Variants in TRIM60 observed in about 807,000 individuals in gnomAD.
TRIM60 encodes tripartite motif-containing protein 60.
For missense variants in TRIM60, 524 were observed against 540.8 expected, an observed-to-expected ratio of 0.97 and a Z score of 0.31; for synonymous variants, 189 against 195.2, an observed-to-expected ratio of 0.97 and a Z score of 0.27.
At chr4:165,035,276 A>G (rs1038573009) in intron 1 of TRIM60, among the ~76,000 whole-genome samples, 30 of 152,148 alleles carry the variant, frequency 2.0e-4, no homozygotes, top group African/African-American at 7.2e-4. Context: ...TGTTGCCCAG[A>G]CTGGTCTTGA....
At chr4:165,035,362 C>A (rs183135514) in intron 1 of TRIM60, among the ~76,000 whole-genome samples, 157 of 152,252 alleles carry the variant, frequency 1.0e-3, no homozygotes, top group African/African-American at 3.5e-3. Context: ...CCGTGCCTGG[C>A]CAACAATTAT....
intron 1 of TRIM60, among the ~76,000 whole-genome samples, chr4:165,032,888 A>G (rs1217186168): frequency 6.6e-6 from 1 of 152,148 alleles, no homozygotes; most frequent in Non-Finnish European, 1.5e-5. Context: ...ATGAACCAGC[A>G]CAAGAATCAG....
intron 1 of TRIM60, 62 bp from the exon 2 acceptor site, chr4:165,039,139 A>G (rs1318256697): frequency 1.3e-5 from 2 of 151,864 alleles, no homozygotes; most frequent in Non-Finnish European, 1.5e-5. Flanking sequence ...AATTTTATTT[A>G]TTTTATATAT....
chr4:165,033,080 C>T (rs1240097571), intron 1 of TRIM60, among the ~76,000 whole-genome samples: 5 of 151,632 alleles, frequency 3.3e-5, no homozygotes, highest in Non-Finnish European at 7.4e-5. Context: ...GTCCCAGCTA[C>T]TCGGGAGGCT....
intron 1 of TRIM60, among the ~76,000 whole-genome samples, chr4:165,034,571 A>G (rs1733577474): frequency 6.6e-6 from 1 of 152,164 alleles, no homozygotes; most frequent in Non-Finnish European, 1.5e-5. Context: ...TCCTTTTCAA[A>G]TTTACTCAGC....
At chr4:165,035,687 A>G (rs1431747017) in intron 1 of TRIM60, among the ~76,000 whole-genome samples, 2 of 151,864 alleles carry the variant, frequency 1.3e-5, no homozygotes, top group African/African-American at 4.8e-5. Context: ...TTGTATAAAC[A>G]CTGTAGGTGT....
At chr4:165,039,978 G>A (rs963275568) in intron 2 of TRIM60, 91 bp from the exon 3 acceptor site, 11 of 978,320 alleles carry the variant, frequency 1.1e-5, no homozygotes, top group Admixed American at 5.0e-5. Context: ...TACAAGGTCT[G>A]GGAGGGGTAT....
intron 1 of TRIM60, among the ~76,000 whole-genome samples, chr4:165,037,105 T>G (rs111457402): frequency 0.054 from 7,910 of 145,152 alleles, 581 homozygotes; most frequent in African/African-American, 0.17. Flanking sequence ...TGAGGCTGAG[T>G]CAGGAGAATC....
rs1250074564 is a variant in TRIM60 at position 165,040,880 on chromosome 4, T to C, written c.808T>C (p.Phe270Leu). 1 of 1,612,736 alleles carries C rather than the reference T, an allele frequency of 6.2e-7. No homozygotes were observed. The highest frequency in any genetic ancestry group is 1.3e-5 in the African/African-American group (1 of 74,866). ...CCTAAAATGCCCTGAACTCTTTTCA[T>C]TTAGATTAACAAAATATGGTTTCAG... The part of the protein sequence containing the change: ...QNLKCPELFS[F>L]RLTKYGFSLP... Residue 270 changes from phenylalanine (F) to leucine (L), a missense_variant, in exon 3 of 3, where the codon TTT becomes CTT. Phe to Leu is a conservative substitution (Grantham distance 22). Coordinates refer to ENST00000512596, the MANE Select transcript of TRIM60 (RefSeq NM_152620.3).
In TRIM60 at chr4:165,040,887, TA is replaced by T. The variant is rs751954496; in HGVS notation, c.817del (p.Thr273GlnfsTer23). On this transcript the variant is annotated frameshift_variant, in exon 3 of 3. Transcript: ENST00000512596. LOFTEE classifies it low-confidence loss of function (END_TRUNC). ...LKCPELFSFR[L>X]TKYGFSLPPQ... ...TGCCCTGAACTCTTTTCATTTAGAT[TA>T]ACAAAATATGGTTTCAGTCTTCCTC... 3 of 1,612,602 alleles carry T rather than the reference TA, an allele frequency of 1.9e-6. No individual in the cohort carries two copies. Among genetic ancestry groups the T allele is most frequent in the Non-Finnish European group, 1.7e-6 (2 of 1,179,236 alleles).
intron 1 of TRIM60, 80 bp downstream of exon 1, chr4:165,032,192 T>G (rs1733517209): frequency 6.6e-6 from 1 of 152,256 alleles, no homozygotes; most frequent in Non-Finnish European, 1.5e-5. Context: ...TTCCTGAGTA[T>G]CAGCTGTGCC....
At position 165,040,722 on chromosome 4, in the gene TRIM60, A is replaced by T. The variant is rs771321532; in HGVS notation, c.650A>T (p.Asn217Ile). ...GAGATGAACATTTTAGCAAAACTAA[A>T]TGAAAACCTTGTAGAACTTTCAGAT... ...DEEMNILAKL[N>I]ENLVELSDYV... is the part of the protein sequence containing the mutation. Residue 217 changes from asparagine to isoleucine, a missense_variant, in exon 3 of 3, where the codon AAT (asparagine) becomes ATT (isoleucine). By Grantham distance (149) the Asn-to-Ile change is moderately radical. Coordinates refer to ENST00000512596, the MANE Select transcript of TRIM60 (RefSeq NM_152620.3). 10 of 1,613,958 alleles carry T rather than the reference A, an allele frequency of 6.2e-6. No individual in the cohort carries two copies. In the African/African-American group the frequency reaches 1.3e-4, roughly 22 times the overall value.
rs1406372422 is a variant in TRIM60 at position 165,040,918 on chromosome 4, A to G, written c.846A>G (p.Gln282=). 26 of 1,613,360 alleles carry G rather than the reference A, an allele frequency of 1.6e-5. No homozygotes were observed. The highest frequency in any genetic ancestry group is 1.6e-4 in the East Asian group (7 of 44,880). ...LTKYGFSLPP[Q]YSGLDRIIKP... ...AATATGGTTTCAGTCTTCCTCCTCA[A>G]TATTCTGGCTTGGACAGAATTATCA... Residue 282 remains glutamine, a synonymous_variant, in exon 3 of 3, where the codon CAA becomes CAG. Coordinates refer to ENST00000512596, the MANE Select transcript of TRIM60 (RefSeq NM_152620.3).
intron 1 of TRIM60, among the ~76,000 whole-genome samples, chr4:165,038,291 T>TC (rs1380687924): frequency 6.6e-6 from 1 of 152,204 alleles, no homozygotes; most frequent in Admixed American, 6.5e-5. Flanking sequence ...TAGTACATAC[T>TC]CCATTTTTTC....
At chr4:165,036,546 G>A (rs1478161753) in intron 1 of TRIM60, among the ~76,000 whole-genome samples, 3 of 152,118 alleles carry the variant, frequency 2.0e-5, no homozygotes, top group African/African-American at 7.2e-5. Context: ...GGTTTTCAAG[G>A]CTATGCACTA....
chr4:165,041,169 T>C lies in TRIM60; in HGVS notation c.1097T>C (p.Val366Ala), dbSNP rs1733756919. ...AACAAACCTAAATGGATATTGGGTG[T>C]GTGTCAAGACTGTCTTCTTAGGAAC... is the stretch of plus-strand genomic sequence containing the variant. ...VGNKPKWILG[V>A]CQDCLLRNWQ... is the part of the protein sequence containing the mutation. The change falls in exon 3 of 3, where the codon GTG becomes GCG. Residue 366 changes from valine (V) to alanine (A), a missense_variant. Val to Ala is a moderately conservative substitution (Grantham distance 64, BLOSUM62 0). Transcript: ENST00000512596. The C allele has an allele frequency of 6.2e-7, 1 of 1,614,066 alleles. No individual in the cohort carries two copies. The highest frequency in any genetic ancestry group is 8.5e-7 in the Non-Finnish European group (1 of 1,180,052).
At chr4:165,039,709 A>T (rs1369520006) in intron 2 of TRIM60, 1 of 157,106 alleles carries the variant, frequency 6.4e-6, no homozygotes, top group African/African-American at 2.5e-5. Flanking sequence ...GAGGCAGGAG[A>T]ATGGCGTGAA....
intron 1 of TRIM60, among the ~76,000 whole-genome samples, chr4:165,033,690 C>T (rs1185792156): frequency 6.6e-6 from 1 of 152,188 alleles, no homozygotes. Context: ...TTAATCAGTA[C>T]TGTACTATTG....
intron 1 of TRIM60, among the ~76,000 whole-genome samples, chr4:165,035,980 C>A (rs1213998823): frequency 6.6e-6 from 1 of 152,152 alleles, no homozygotes; most frequent in Admixed American, 6.6e-5. Context: ...GCCTTGGCCT[C>A]CCAAAGTACT....
Sources: gnomAD v4.1 joint callset for allele counts (sites outside exome capture counted in the v4.1 genomes callset) on GRCh38, gnomAD v4.1.1 for gene constraint, MANE v1.5 for transcripts, NCBI Gene and HGNC (gene_info 2026-07-23, HGNC 2026-07-21) for gene names.